The following KLRG2 variants were observed in gnomAD, a reference collection of about 807,000 sequenced individuals.
The protein encoded by KLRG2 is killer cell lectin like receptor G2.
A neutral mutation model predicts 35.4 loss-of-function variants in KLRG2; 39 were observed. That is an observed-to-expected ratio of 1.10 (90% CI 0.85 to 1.44). The LOEUF (loss-of-function observed/expected upper bound fraction) is 1.44. Among genes scored for constraint, KLRG2 ranks in the 40% most tolerant of loss-of-function variants. The pLI is 0.00. For missense variants in KLRG2, 632 were observed against 570.9 expected (o/e 1.11, Z -1.09); for synonymous variants, 283 against 265.8 (o/e 1.06, Z -0.63).
chr7:139,453,474 C>A lies in KLRG2; in HGVS notation c.*113G>T, dbSNP rs965557182. The A allele has an allele frequency of 1.8e-6, 2 of 1,138,440 alleles. No homozygotes were observed. The highest frequency in any genetic ancestry group is 2.6e-5 in the East Asian group (1 of 38,784). The allele number at this position is 1,138,440 out of a possible 1,614,324, so 70.5% of individuals were successfully genotyped here. A position where few individuals can be genotyped will look rare whatever the true frequency, so the allele number is the denominator to read the frequency against. ...GCTCATGTGGCCCCCTTGAGCAGAG[C>A]ATGAAGACCTGGATAACTGGGTCCA... On this transcript the variant is annotated 3_prime_UTR_variant, in exon 5 of 5. Transcript: ENST00000340940.
At chr7:139,471,242 C>T (rs977020927) in intron 3 of KLRG2, among the ~76,000 whole-genome samples, 7 of 152,010 alleles carry the variant, frequency 4.6e-5, no homozygotes, top group Admixed American at 1.3e-4. Context: ...TCTTTAGGTA[C>T]GAGATAATGA....
At chr7:139,474,391 A>G (rs1456694975) in intron 3 of KLRG2, among the ~76,000 whole-genome samples, 1 of 152,030 alleles carries the variant, frequency 6.6e-6, no homozygotes, top group Non-Finnish European at 1.5e-5. Flanking sequence ...GGGAAAAGCG[A>G]TTTTCTACCT....
chr7:139,457,795 C>T (rs574933379), intron 3 of KLRG2, among the ~76,000 whole-genome samples: 2 of 152,178 alleles, frequency 1.3e-5, no homozygotes, highest in East Asian at 1.9e-4. Flanking sequence ...CTTTTCCTTG[C>T]GTTTGAGACT....
the KLRG2 span, among the ~76,000 whole-genome samples, chr7:139,439,598 T>G: frequency 6.6e-6 from 1 of 151,894 alleles, no homozygotes; most frequent in Non-Finnish European, 1.5e-5. Context: ...TTCCTCTTTT[T>G]GCCCAAGCTG....
chr7:139,432,898 G>C, the KLRG2 span, among the ~76,000 whole-genome samples: 9 of 151,942 alleles, frequency 5.9e-5, no homozygotes, highest in East Asian at 1.2e-3. Flanking sequence ...AGAATCCATG[G>C]ATAGGGAGGG....
intron 3 of KLRG2, among the ~76,000 whole-genome samples, chr7:139,475,768 T>C (rs6966678): frequency 0.49 from 74,558 of 151,760 alleles, 19,587 homozygotes; most frequent in African/African-American, 0.68. Flanking sequence ...AACGTGGGAG[T>C]CCAAACTTGA....
downstream of KLRG2, among the ~76,000 whole-genome samples, chr7:139,449,148 T>A (rs1796341598): frequency 6.7e-6 from 1 of 148,450 alleles, no homozygotes; most frequent in African/African-American, 2.5e-5. Context: ...ACGCCTGTAA[T>A]CCCAGCACCT....
chr7:139,454,975 A>G (rs950621772), intron 3 of KLRG2, among the ~76,000 whole-genome samples: 22 of 152,034 alleles, frequency 1.4e-4, no homozygotes, highest in East Asian at 1.4e-3. Flanking sequence ...ACTATTTTTA[A>G]CAATGAATTA....
intron 3 of KLRG2, among the ~76,000 whole-genome samples, chr7:139,466,306 C>T (rs1796652925): frequency 2.0e-5 from 3 of 152,104 alleles, no homozygotes; most frequent in South Asian, 2.1e-4. Flanking sequence ...AGAAGGCCAC[C>T]GCGGTCATTT....
chr7:139,435,348 G>A, the KLRG2 span, among the ~76,000 whole-genome samples: 9 of 152,070 alleles, frequency 5.9e-5, no homozygotes, highest in African/African-American at 1.9e-4. Flanking sequence ...AAAATTAGCC[G>A]GCATGGTGGC....
chr7:139,457,490 G>A (rs962151992), intron 3 of KLRG2, among the ~76,000 whole-genome samples: 8 of 152,158 alleles, frequency 5.3e-5, no homozygotes, highest in Admixed American at 1.3e-4. Context: ...TCTGTAAAAC[G>A]AAGATGCTTG....
At chr7:139,462,843 C>CA (rs138473378) in intron 3 of KLRG2, among the ~76,000 whole-genome samples, 14,890 of 152,088 alleles carry the variant, frequency 0.098, 916 homozygotes, top group East Asian at 0.27. Flanking sequence ...CCTGTCCCCT[C>CA]AGTCCCAACC....
downstream of KLRG2, chr7:139,452,619 T>G (rs1796392784): frequency 6.6e-6 from 1 of 152,196 alleles, no homozygotes; most frequent in Non-Finnish European, 1.5e-5. Context: ...AAGGGCCAGT[T>G]GAGTGCGTGC....
At chr7:139,467,542 C>T (rs59379614) in intron 3 of KLRG2, among the ~76,000 whole-genome samples, 13,340 of 152,084 alleles carry the variant, frequency 0.088, 953 homozygotes, top group East Asian at 0.4. Context: ...TTACCCCCAA[C>T]GCCGTGCTCT....
the KLRG2 span, among the ~76,000 whole-genome samples, chr7:139,446,768 T>C: frequency 2.6e-5 from 4 of 151,808 alleles, no homozygotes; most frequent in Non-Finnish European, 5.9e-5. Context: ...CCCAACCTCC[T>C]CCTCCGACAT....
intron 3 of KLRG2, among the ~76,000 whole-genome samples, chr7:139,456,070 T>C (rs1233754069): frequency 6.6e-6 from 1 of 151,914 alleles, no homozygotes; most frequent in Non-Finnish European, 1.5e-5. Context: ...CACAACAATG[T>C]CAAGAAGCAC....
rs146370149 is a variant in KLRG2 at position 139,456,051 on chromosome 7, CAT to C, written c.1006-1839_1006-1838del. Among the ~76,000 whole-genome samples, 965 of 152,032 alleles carry C rather than the reference CAT, an allele frequency of 6.3e-3. 7 individuals are homozygous for C. The highest frequency in any genetic ancestry group is 9.1e-3 in the Non-Finnish European group (620 of 68,018). ...AAAAAAAAGACTACACTAGCAAGTA[CAT>C]ATCACTCACAACAATGTCAAGAAGC... On this transcript the variant is annotated intron_variant, in intron 3 of 4. Coordinates refer to ENST00000340940, the MANE Select transcript of KLRG2 (RefSeq NM_198508.4).
chr7:139,480,608 G>C (rs1796940817), intron 1 of KLRG2, among the ~76,000 whole-genome samples: 1 of 151,344 alleles, frequency 6.6e-6, no homozygotes, highest in Admixed American at 6.6e-5. Context: ...ACCATGCCCG[G>C]CTAATTTTTT....
the KLRG2 span, among the ~76,000 whole-genome samples, chr7:139,429,973 C>T: frequency 6.6e-6 from 1 of 152,132 alleles, no homozygotes; most frequent in Admixed American, 6.6e-5. Flanking sequence ...GCTGACCCCC[C>T]CCATATGGGT....
Sources: gnomAD v4.1 joint callset for allele counts (sites outside exome capture counted in the v4.1 genomes callset) on GRCh38, gnomAD v4.1.1 for gene constraint, MANE v1.5 for transcripts, NCBI Gene and HGNC (gene_info 2026-07-23, HGNC 2026-07-21) for gene names.